The following FMO3 variants were observed in gnomAD, a reference collection of about 807,000 sequenced individuals.
FMO3 encodes flavin containing dimethylaniline monoxygenase 3, also known as flavin-containing monooxygenase 3.
A neutral mutation model predicts 39.4 loss-of-function variants in FMO3; 40 were observed. The observed-to-expected ratio is 1.02, with a 90% CI of 0.79 to 1.32. The LOEUF (loss-of-function observed/expected upper bound fraction) is 1.32, where lower values mean the gene tolerates loss of function less well. Ranked by LOEUF, FMO3 falls within the 40% of genes most tolerant of loss-of-function variation. The pLI is 0.00. For synonymous variants in FMO3, 219 were observed against 228.8 expected (o/e 0.96, Z 0.39); for missense variants, 680 against 651.8 (o/e 1.04, Z -0.47).
At chr1:171,101,651 T>C (rs1204808084) in intron 2 of FMO3, 3 of 472,594 alleles carry the variant, frequency 6.3e-6, no homozygotes, top group African/African-American at 2.0e-5. Context: ...GCACTTTCTA[T>C]GCCCTTCTAG....
At chr1:171,101,264 G>A (rs186229170) in intron 2 of FMO3, 1,252 of 454,534 alleles carry the variant, frequency 2.8e-3, no homozygotes, top group Middle Eastern at 0.02. Flanking sequence ...CTGACTTCTA[G>A]AACTGTGAAT....
rs1264282187 is a variant in FMO3, at chr1:171,117,502, A to G, written c.*60A>G. Reference sequence around the variant, plus strand: ...ACAATACCCAGACAGGGGCTTTGCTATTTAAAAATTAAAATTTTCACACCA... The same window carrying G: ...ACAATACCCAGACAGGGGCTTTGCTGTTTAAAAATTAAAATTTTCACACCA... On this transcript the variant is annotated 3_prime_UTR_variant, in exon 9 of 9. Transcript: ENST00000367755. 1.4e-6 allele frequency: 2 copies of G among 1,417,280 alleles called. No homozygotes were observed. Among genetic ancestry groups the G allele is most frequent in the Non-Finnish European group, 2.0e-6 (2 of 1,024,816 alleles). The allele number at this position is 1,417,280 out of a possible 1,614,324, so 87.8% of individuals were successfully genotyped here. A position where few individuals can be genotyped will look rare whatever the true frequency, so the allele number is the denominator to read the frequency against.
intron 2 of FMO3, among the ~76,000 whole-genome samples, chr1:171,095,915 T>TACATA (rs1384895456): frequency 4.8e-4 from 2 of 4,170 alleles, no homozygotes; most frequent in Non-Finnish European, 8.4e-4. Context: ...TGTATAAATA[T>TACATA]ATATTTATAT....
At chr1:171,111,049 C>A in intron 6 of FMO3, 52 bp downstream of exon 6, 1 of 1,440,762 alleles carries the variant, frequency 6.9e-7, no homozygotes, top group Non-Finnish European at 9.8e-7. Context: ...TCAGTGTCAA[C>A]AACCCTTAAT....
At chr1:171,108,257 C>A in intron 5 of FMO3, 36 bp downstream of exon 5, 1 of 1,611,720 alleles carries the variant, frequency 6.2e-7, no homozygotes, top group Non-Finnish European at 8.5e-7. Flanking sequence ...ACTCTCGTTA[C>A]TGACAGAAGA....
At position 171,091,561 on chromosome 1, in the gene FMO3, A is replaced by G. The variant is rs1024824138; in HGVS notation, c.-7+580A>G. Among the ~76,000 whole-genome samples the G allele has an allele frequency of 3.3e-5, 5 of 149,618 alleles. No homozygotes were observed. In the Admixed American group the frequency reaches 3.4e-4, roughly 10 times the overall value. ...ATGGACGCTGAAGGTAGTGGGAAAAAATTGTTTTTAGGTAAGAACATGACT... is the reference window on the plus strand; with the variant it reads ...ATGGACGCTGAAGGTAGTGGGAAAAGATTGTTTTTAGGTAAGAACATGACT... On this transcript the variant is annotated intron_variant, in intron 1 of 8. Coordinates refer to ENST00000367755, the MANE Select transcript of FMO3 (RefSeq NM_001002294.3).
chr1:171,092,933 G>A, intron 2 of FMO3, 143 bp downstream of exon 2: 2 of 916,960 alleles, frequency 2.2e-6, no homozygotes, highest in South Asian at 1.5e-5. Context: ...ACAGTGTCAA[G>A]AGCAGGTTGG....
chr1:171,105,188 G>A (rs1234314752), intron 3 of FMO3, among the ~76,000 whole-genome samples: 1 of 152,098 alleles, frequency 6.6e-6, no homozygotes, highest in Admixed American at 6.6e-5. Flanking sequence ...ACAGTTCCAT[G>A]GGTGAGTACT....
In FMO3 at chr1:171,115,251, G is replaced by A. The variant is rs1367204692; in HGVS notation, c.1183+889G>A. On this transcript the variant is annotated intron_variant, in intron 7 of 8. Coordinates refer to ENST00000367755, the MANE Select transcript of FMO3 (RefSeq NM_001002294.3). Reference sequence around the variant, plus strand: ...AAGGCAATTTATGGGGAAAATTGATGTACACGGCACAGGCTCTCTTAAGGG... The same window carrying A: ...AAGGCAATTTATGGGGAAAATTGATATACACGGCACAGGCTCTCTTAAGGG... Among the ~76,000 whole-genome samples, 3 of 152,130 alleles carry A rather than the reference G, an allele frequency of 2.0e-5. No individual in the cohort carries two copies. In the East Asian group the frequency reaches 5.8e-4, roughly 29 times the overall value.
Position 171,110,995 on chromosome 1 carries a change from T to C in FMO3, c.825T>C (p.Asn275=). ...KHENYGLMPL[N]GVLRKEPVFN... ...AAAACTATGGCTTGATGCCTTTAAA[T>C]GGGTAATGCAGAGCTAAACGTGATA... Residue 275 remains asparagine, a splice_region_variant and synonymous_variant, in exon 6 of 9, where the codon AAT becomes AAC. Transcript: ENST00000367755. The C allele has an allele frequency of 6.2e-7, 1 of 1,612,808 alleles. No homozygotes were observed. Among genetic ancestry groups the C allele is most frequent in the Non-Finnish European group, 8.5e-7 (1 of 1,179,144 alleles).
At chr1:171,100,292 G>C (rs1341418943) in intron 2 of FMO3, 1 of 152,182 alleles carries the variant, frequency 6.6e-6, no homozygotes, top group Non-Finnish European at 1.5e-5. Context: ...TGCAACATGT[G>C]CTACCCTTCA....
chr1:171,094,708 C>A (rs972808400), intron 2 of FMO3, among the ~76,000 whole-genome samples: 12 of 152,120 alleles, frequency 7.9e-5, no homozygotes, highest in African/African-American at 2.9e-4. Context: ...CTTTCCCCAG[C>A]ATATGCTATT....
At position 171,103,864 on chromosome 1, in the gene FMO3, A is replaced by G; in HGVS notation, c.212A>G (p.Asp71Gly). ...NSSKEMMCFPDFPFPDDFPNF... is the reference protein window; with the variant it reads ...NSSKEMMCFPGFPFPDDFPNF... ...TCCAAAGAGATGATGTGTTTCCCAG[A>G]CTTCCCATTTCCCGATGACTTCCCC... The change falls in exon 3 of 9, where the codon GAC (aspartate) becomes GGC (glycine). Residue 71 changes from aspartate (D) to glycine (G), a missense_variant. Transcript: ENST00000367755. 6.2e-7 allele frequency: 1 copy of G among 1,613,840 alleles called. No individual in the cohort carries two copies. The highest frequency in any genetic ancestry group is 8.5e-7 in the Non-Finnish European group (1 of 1,179,808).
rs562815035 is a variant in FMO3 at position 171,111,054 on chromosome 1, C to A, written c.827+57C>A. On this transcript the variant is annotated intron_variant, in intron 6 of 8. Coordinates refer to ENST00000367755, the MANE Select transcript of FMO3 (RefSeq NM_001002294.3). Reference sequence around the variant, plus strand: ...GGCTTTTAGTTCAGTGTCAACAACCCTTAATGTCCTGTAAGCCCAAAACAA... The same window carrying A: ...GGCTTTTAGTTCAGTGTCAACAACCATTAATGTCCTGTAAGCCCAAAACAA... The A allele has an allele frequency of 3.6e-6, 5 of 1,379,960 alleles. No homozygotes were observed. The South Asian group carries it at 4.6e-5, about 13-fold the overall frequency. The allele number at this position is 1,379,960 out of a possible 1,614,324, so 85.5% of individuals were successfully genotyped here.
In FMO3 at chr1:171,117,341, C is replaced by T. The variant is rs765373503; in HGVS notation, c.1498C>T (p.Arg500Ter). Residue 500 changes from arginine (R) to a stop codon, truncating the protein, a stop_gained, in exon 9 of 9, where the codon CGA becomes TGA. Transcript: ENST00000367755. LOFTEE classifies it low-confidence loss of function (END_TRUNC). ...WDRSLKPMQT[R>*]VVGRLQKPCF... Reference sequence around the variant, plus strand: ...CCGGTCGTTGAAACCCATGCAGACACGAGTGGTCGGGAGACTTCAGAAGCC... The same window carrying T: ...CCGGTCGTTGAAACCCATGCAGACATGAGTGGTCGGGAGACTTCAGAAGCC... 30 of 1,613,620 alleles carry T rather than the reference C, an allele frequency of 1.9e-5. No homozygotes were observed. The East Asian group carries it at 4.0e-4, about 22-fold the overall frequency.
chr1:171,105,940 C>A (rs934976911), intron 3 of FMO3, among the ~76,000 whole-genome samples: 4 of 152,002 alleles, frequency 2.6e-5, no homozygotes, highest in African/African-American at 9.7e-5. Flanking sequence ...TAAATCTGCA[C>A]TGTTCAATAT....
At chr1:171,093,561 A>G (rs1306719052) in intron 2 of FMO3, among the ~76,000 whole-genome samples, 1 of 151,786 alleles carries the variant, frequency 6.6e-6, no homozygotes, top group African/African-American at 2.4e-5. Context: ...GTATGTATAT[A>G]CCACATTTTC....
chr1:171,099,569 T>A (rs776575769), intron 2 of FMO3, among the ~76,000 whole-genome samples: 7 of 152,058 alleles, frequency 4.6e-5, no homozygotes, highest in Non-Finnish European at 1.0e-4. Context: ...TCCTATAAGC[T>A]AGGTATATTT....
intron 2 of FMO3, among the ~76,000 whole-genome samples, chr1:171,096,051 T>A (rs1305365518): frequency 5.3e-5 from 3 of 56,796 alleles, no homozygotes; most frequent in Non-Finnish European, 7.8e-5. Context: ...TATATATAAA[T>A]ATATAATATA....
Sources: allele counts gnomAD v4.1 joint callset (sites outside exome capture counted in the v4.1 genomes callset), GRCh38; gene constraint gnomAD v4.1.1; transcripts MANE v1.5; gene names NCBI Gene and HGNC (gene_info 2026-07-23, HGNC 2026-07-21).